DNAAF9: variants seen among roughly 807,000 people sequenced by gnomAD.
DNAAF9 encodes the protein dynein axonemal assembly factor 9.
In DNAAF9, 90 loss-of-function variants were observed where a neutral mutation model predicts 167.0. That is an observed-to-expected ratio of 0.54 (90% CI 0.45 to 0.64). The LOEUF (loss-of-function observed/expected upper bound fraction) is 0.64. Ranked by LOEUF, DNAAF9 falls within the 30% of genes least tolerant of loss-of-function variation. The probability of loss-of-function intolerance (pLI) is 0.00; values close to 1 mark genes in which losing one functional copy is unlikely to be tolerated. For missense variants in DNAAF9, 1,315 were observed against 1,442.2 expected (o/e 0.91, Z 1.43); for synonymous variants, 491 against 508.8 (o/e 0.96, Z 0.47).
Position 3,353,647 on chromosome 20 carries a change from C to G in DNAAF9, c.691-5024G>C, listed in dbSNP as rs1408355516. Among the ~76,000 whole-genome samples, 71 of 115,502 alleles carry G rather than the reference C, an allele frequency of 6.1e-4. 1 individual carries two copies. Among genetic ancestry groups the G allele is most frequent in the African/African-American group, 2.1e-3 (66 of 30,980 alleles). The allele number at this position is 115,502 out of a possible 152,430, so 75.8% of individuals were successfully genotyped here. A position where few individuals can be genotyped will look rare whatever the true frequency, so the allele number is the denominator to read the frequency against. ...TGTCCCCCCGCACCACCCCCCCCCC[C>G]GCAAAAAAAAAGGCTATTAATACAG... On this transcript the variant is annotated intron_variant, in intron 7 of 36. Transcript: ENST00000252032.
chr20:3,307,163 T>C, intron 20 of DNAAF9: 1 of 984,726 alleles, frequency 1.0e-6, no homozygotes, highest in Non-Finnish European at 1.2e-6. Flanking sequence ...ATCTCCAGCA[T>C]TTCCTCTCCC....
intron 1 of DNAAF9, among the ~76,000 whole-genome samples, chr20:3,391,825 T>C (rs11905527): frequency 0.25 from 37,265 of 151,962 alleles, 5,113 homozygotes; most frequent in African/African-American, 0.35. Flanking sequence ...GTGATCCACC[T>C]GTCTTGGCCT....
rs1252280251 is a variant in DNAAF9, at chr20:3,249,992, T to C, written c.*2580A>G. 2 of 152,150 alleles carry C rather than the reference T, an allele frequency of 1.3e-5. No homozygotes were observed. Among genetic ancestry groups the C allele is most frequent in the Non-Finnish European group, 2.9e-5 (2 of 68,018 alleles). 9.4% of individuals were successfully genotyped at this position (152,150 alleles called of 1,614,324 possible). A position where few individuals can be genotyped will look rare whatever the true frequency, so the allele number is the denominator to read the frequency against. ...TCCAATCAAAAACAGAAAAATCCCA[T>C]GTAAAAACATAAAATAACCCGTAAC... On this transcript the variant is annotated 3_prime_UTR_variant, in exon 37 of 37. Transcript: ENST00000252032.
chr20:3,260,154 A>T (rs915193209), intron 31 of DNAAF9, 126 bp from the exon 32 acceptor site: 46 of 529,650 alleles, frequency 8.7e-5, no homozygotes, highest in African/African-American at 8.0e-4. Flanking sequence ...CCTGGCTAAC[A>T]AGGTGAAACC....
Position 3,250,982 on chromosome 20 carries a change from G to A in DNAAF9, c.*1590C>T, listed in dbSNP as rs998702825. On this transcript the variant is annotated 3_prime_UTR_variant, in exon 37 of 37. Transcript: ENST00000252032. ...ACGGACCGCAGCCTCTGGCCAGCCA[G>A]AAGTCAGGGGGCTCCCAGACTTAGG... 3 of 152,238 alleles carry A rather than the reference G, an allele frequency of 2.0e-5. No individual in the cohort carries two copies. Among genetic ancestry groups the A allele is most frequent in the African/African-American group, 7.2e-5 (3 of 41,464 alleles). The allele number at this position is 152,238 out of a possible 1,614,324, so 9.4% of individuals were successfully genotyped here. A position where few individuals can be genotyped will look rare whatever the true frequency, so the allele number is the denominator to read the frequency against.
At chr20:3,395,881 C>A (rs976979783) in intron 1 of DNAAF9, among the ~76,000 whole-genome samples, 6 of 152,130 alleles carry the variant, frequency 3.9e-5, no homozygotes, top group Admixed American at 3.3e-4. Context: ...TGTCCCCACC[C>A]AAATCTCATC....
chr20:3,366,947 T>A (rs1568631131), intron 6 of DNAAF9, among the ~76,000 whole-genome samples: 1 of 150,854 alleles, frequency 6.6e-6, no homozygotes, highest in African/African-American at 2.4e-5. Context: ...AAAAAAAAAT[T>A]AAAAAAATAA....
chr20:3,345,619 A>G (rs2070177577), intron 8 of DNAAF9, among the ~76,000 whole-genome samples: 1 of 152,236 alleles, frequency 6.6e-6, no homozygotes, highest in Admixed American at 6.5e-5. Flanking sequence ...AATTCAAGCC[A>G]TACAAGTGCT....
At chr20:3,294,365 G>T in intron 24 of DNAAF9, 109 bp from the exon 25 acceptor site, 1 of 842,800 alleles carries the variant, frequency 1.2e-6, no homozygotes, top group Non-Finnish European at 2.0e-6. Context: ...ACCTTGGAGA[G>T]ATTCTCTCTA....
Position 3,253,713 on chromosome 20 carries a change from GT to G in DNAAF9, c.3421+12del. ...CCGGGTTCCACACAGGGACCACGCT[GT>G]TCCAAGGATACGTGGGTGAAAATCA... On this transcript the variant is annotated intron_variant, in intron 36 of 36. Transcript: ENST00000252032. 1 of 1,538,472 alleles carries G rather than the reference GT, an allele frequency of 6.5e-7. No individual in the cohort carries two copies. Among genetic ancestry groups the G allele is most frequent in the Non-Finnish European group, 9.0e-7 (1 of 1,111,266 alleles).
At chr20:3,402,895 T>G (rs1282944104) in intron 1 of DNAAF9, among the ~76,000 whole-genome samples, 1 of 152,230 alleles carries the variant, frequency 6.6e-6, no homozygotes, top group Non-Finnish European at 1.5e-5. Flanking sequence ...GGTCCTGGCA[T>G]GGATATTTTA....
intron 3 of DNAAF9, among the ~76,000 whole-genome samples, chr20:3,378,937 A>G (rs1234319750): frequency 6.7e-6 from 1 of 150,218 alleles, no homozygotes; most frequent in African/African-American, 2.4e-5. Flanking sequence ...TTGACTCTTT[A>G]GGTAAGCACA....
chr20:3,376,481 TC>T (rs2083577047), intron 3 of DNAAF9, among the ~76,000 whole-genome samples, 179 bp from the exon 4 acceptor site: 1 of 152,216 alleles, frequency 6.6e-6, no homozygotes, highest in Admixed American at 6.5e-5. Context: ...CTGAGACAAG[TC>T]TCAATCAATT....
chr20:3,344,978 C>T lies in DNAAF9; in HGVS notation c.790-1247G>A, dbSNP rs117918189. ...ATTTGGATTTCCCTTCATTAGTTAA[C>T]AGTTTATTTACATTCTCCGGATATT... On this transcript the variant is annotated intron_variant, in intron 8 of 36. Transcript: ENST00000252032. 2.6e-3 allele frequency among the ~76,000 whole-genome samples: 401 copies of T among 152,256 alleles called. 5 individuals are homozygous for T. The highest frequency in any genetic ancestry group is 0.018 in the East Asian group (91 of 5,188).
chr20:3,357,721 C>T (rs932823862), intron 7 of DNAAF9, among the ~76,000 whole-genome samples: 9 of 151,842 alleles, frequency 5.9e-5, no homozygotes, highest in Non-Finnish European at 8.8e-5. Flanking sequence ...GACAGAATCT[C>T]GCTGTTGTTG....
chr20:3,305,601 C>T (rs767125588), intron 20 of DNAAF9, among the ~76,000 whole-genome samples: 5 of 152,218 alleles, frequency 3.3e-5, no homozygotes, highest in Non-Finnish European at 7.3e-5. Context: ...GGGCTGCCTT[C>T]ACATCCTGGG....
At position 3,343,840 on chromosome 20, in the gene DNAAF9, CGTGTGT is replaced by C. The variant is rs10582105; in HGVS notation, c.790-115_790-110del. 849 of 650,296 alleles carry C rather than the reference CGTGTGT, an allele frequency of 1.3e-3. 1 individual carries two copies. The highest frequency in any genetic ancestry group is 2.3e-3 in the African/African-American group (121 of 53,298). The allele number at this position is 650,296 out of a possible 1,614,324, so 40.3% of individuals were successfully genotyped here. Reference sequence around the variant, plus strand: ...ACACATGCTTCAGGAGAGTGCACAGCGTGTGTGTGTGTGTGTGTGCGTGTGTGCATG... The same window carrying C: ...ACACATGCTTCAGGAGAGTGCACAGCGTGTGTGTGTGTGCGTGTGTGCATG... On this transcript the variant is annotated intron_variant, in intron 8 of 36. Coordinates refer to ENST00000252032, the MANE Select transcript of DNAAF9 (RefSeq NM_001009984.3).
At chr20:3,387,051 A>T (rs1216017156) in intron 1 of DNAAF9, among the ~76,000 whole-genome samples, 2 of 152,242 alleles carry the variant, frequency 1.3e-5, no homozygotes, top group African/African-American at 4.8e-5. Context: ...CTGTTCATGC[A>T]TTGGTAGACA....
At chr20:3,297,025 G>A (rs1349950097) in intron 22 of DNAAF9, 76 bp from the exon 23 acceptor site, 3 of 819,712 alleles carry the variant, frequency 3.7e-6, no homozygotes, top group East Asian at 2.5e-5. Flanking sequence ...GGGATTTGAT[G>A]GTTGTTGAAA....
Sources: allele counts gnomAD v4.1 joint callset (sites outside exome capture counted in the v4.1 genomes callset), GRCh38; gene constraint gnomAD v4.1.1; transcripts MANE v1.5; gene names NCBI Gene and HGNC (gene_info 2026-07-23, HGNC 2026-07-21).